The following KIF6 variants were observed in gnomAD, a reference collection of about 807,000 sequenced individuals.
KIF6 encodes the protein kinesin family member 6.
In KIF6, 106 loss-of-function variants were observed where a neutral mutation model predicts 112.7. The ratio of observed to expected loss-of-function variants is 0.94; its 90% CI spans 0.80 to 1.11. The LOEUF (loss-of-function observed/expected upper bound fraction) is 1.11, where lower values mean the gene tolerates loss of function less well. Ranked by LOEUF, KIF6 falls within the 50% of genes least tolerant of loss-of-function variation. The pLI, the probability that KIF6 is intolerant of heterozygous loss-of-function variation, is 0.00. For synonymous variants in KIF6, 339 were observed against 339.9 expected, an observed-to-expected ratio of 1.00 and a Z score of 0.03; for missense variants, 929 against 964.0, an observed-to-expected ratio of 0.96 and a Z score of 0.48.
At chr6:39,382,477 T>A (rs1392026768) in intron 16 of KIF6, among the ~76,000 whole-genome samples, 1 of 152,204 alleles carries the variant, frequency 6.6e-6, no homozygotes, top group African/African-American at 2.4e-5. Context: ...GCTGTATTCA[T>A]GTTGCCGCAA....
intron 6 of KIF6, among the ~76,000 whole-genome samples, chr6:39,600,015 A>G (rs777372354): frequency 2.2e-4 from 34 of 152,292 alleles, no homozygotes; most frequent in Non-Finnish European, 4.3e-4. Flanking sequence ...GTCCTCTTAG[A>G]TAAAAATTTC....
intron 19 of KIF6, among the ~76,000 whole-genome samples, chr6:39,347,478 C>G (rs67644810): frequency 0.054 from 8,174 of 152,276 alleles, 337 homozygotes; most frequent in African/African-American, 0.11. Flanking sequence ...GGTGAAGAGG[C>G]GCGTGGACAC....
At chr6:39,614,917 T>C (rs749002717) in intron 5 of KIF6, among the ~76,000 whole-genome samples, 15 of 152,190 alleles carry the variant, frequency 9.9e-5, no homozygotes, top group Non-Finnish European at 1.6e-4. Context: ...GAAGTAATGA[T>C]TCTTCCTAAA....
chr6:39,420,881 T>C (rs1281001453), intron 14 of KIF6, among the ~76,000 whole-genome samples: 1 of 152,180 alleles, frequency 6.6e-6, no homozygotes, highest in Non-Finnish European at 1.5e-5. Context: ...GCTAGTCTAC[T>C]AGATTGCTGT....
At chr6:39,563,770 G>A (rs923463899) in intron 10 of KIF6, among the ~76,000 whole-genome samples, 4 of 152,172 alleles carry the variant, frequency 2.6e-5, no homozygotes, top group African/African-American at 9.7e-5. Context: ...CCAGGCCTCA[G>A]GAACAGGCTT....
intron 15 of KIF6, among the ~76,000 whole-genome samples, chr6:39,397,262 T>C (rs1344851140): frequency 6.6e-6 from 1 of 152,236 alleles, no homozygotes. Context: ...ATTTCTGTAA[T>C]TGGAAGTAAA....
chr6:39,587,579 T>C (rs2150665773), intron 7 of KIF6, among the ~76,000 whole-genome samples: 1 of 152,248 alleles, frequency 6.6e-6, no homozygotes, highest in East Asian at 1.9e-4. Flanking sequence ...TCCTTTTTCT[T>C]CAAACCTTTG....
At chr6:39,582,569 G>T (rs1318506686) in intron 9 of KIF6, among the ~76,000 whole-genome samples, 2 of 151,926 alleles carry the variant, frequency 1.3e-5, no homozygotes, top group African/African-American at 4.8e-5. Context: ...GTACCTCCAC[G>T]CCCGGCTAAT....
chr6:39,586,715 A>G (rs191417454), intron 7 of KIF6, among the ~76,000 whole-genome samples: 74 of 152,358 alleles, frequency 4.9e-4, no homozygotes, highest in African/African-American at 1.7e-3. Flanking sequence ...GTATGAAAAC[A>G]CAAGAGTAAA....
chr6:39,416,597 AAG>A (rs780663932), intron 15 of KIF6, among the ~76,000 whole-genome samples: 3 of 152,258 alleles, frequency 2.0e-5, no homozygotes, highest in Non-Finnish European at 4.4e-5. Context: ...AGTTTGTGGC[AAG>A]AGTTTATCTA....
At chr6:39,446,765 C>T (rs1466120061) in intron 13 of KIF6, among the ~76,000 whole-genome samples, 1 of 152,196 alleles carries the variant, frequency 6.6e-6, no homozygotes, top group Non-Finnish European at 1.5e-5. Flanking sequence ...GCTGGGACTA[C>T]AGGCATGAGC....
At chr6:39,512,915 G>A (rs530024192) in intron 13 of KIF6, among the ~76,000 whole-genome samples, 1 of 152,270 alleles carries the variant, frequency 6.6e-6, no homozygotes, top group South Asian at 2.1e-4. Flanking sequence ...CCATGAGCCA[G>A]GCACGTCTAT....
At chr6:39,641,498 TG>T (rs1273101680) in intron 3 of KIF6, among the ~76,000 whole-genome samples, 3 of 142,702 alleles carry the variant, frequency 2.1e-5, no homozygotes, top group East Asian at 4.2e-4. Context: ...TGTTGTGAGG[TG>T]GGGGGACGGG....
At chr6:39,411,387 A>G (rs770450606) in intron 15 of KIF6, among the ~76,000 whole-genome samples, 3 of 152,186 alleles carry the variant, frequency 2.0e-5, no homozygotes, top group Non-Finnish European at 2.9e-5. Flanking sequence ...ATCACCACAC[A>G]TGTATCCTAA....
At chr6:39,722,043 CA>C (rs1561962618) in intron 1 of KIF6, among the ~76,000 whole-genome samples, 1 of 151,978 alleles carries the variant, frequency 6.6e-6, no homozygotes, top group Non-Finnish European at 1.5e-5. Context: ...AAAGTCATTA[CA>C]TAAAATAAAG....
intron 15 of KIF6, among the ~76,000 whole-genome samples, chr6:39,406,181 C>T (rs1769079981): frequency 6.6e-6 from 1 of 151,964 alleles, no homozygotes; most frequent in African/African-American, 2.4e-5. Flanking sequence ...CTACCATATT[C>T]AGCTAATTTT....
In KIF6 at chr6:39,343,208, AC is replaced by A; in HGVS notation, c.2428+500del. 8.2e-7 allele frequency: 1 copy of A among 1,217,804 alleles called. No individual in the cohort carries two copies. Among genetic ancestry groups the A allele is most frequent in the Non-Finnish European group, 1.0e-6 (1 of 956,268 alleles). 75.4% of individuals were successfully genotyped at this position (1,217,804 alleles called of 1,614,324 possible). On this transcript the variant is annotated intron_variant, in intron 22 of 22. Transcript: ENST00000287152. This position sits in a 1 kb window ranked among gnomAD's most constrained non-coding sequence, Gnocchi z 4.1. ...CCTTCTTCTCTTCCTGTTGTCTGACACGCCACTCTTACTTCCTCTGTGATTG... is the reference window on the plus strand; with the variant it reads ...CCTTCTTCTCTTCCTGTTGTCTGACAGCCACTCTTACTTCCTCTGTGATTG...
At chr6:39,464,619 A>G (rs781504735) in intron 13 of KIF6, among the ~76,000 whole-genome samples, 16 of 152,204 alleles carry the variant, frequency 1.1e-4, no homozygotes, top group South Asian at 6.2e-4. Flanking sequence ...TAGCCAGGCC[A>G]TCGCCTGGCA....
chr6:39,548,494 A>G (rs1779184698), intron 10 of KIF6, among the ~76,000 whole-genome samples: 1 of 152,228 alleles, frequency 6.6e-6, no homozygotes, highest in Admixed American at 6.5e-5. Context: ...TTGACATGCT[A>G]TTTTGCTTTC....
Sources: gnomAD v4.1 joint callset for allele counts (sites outside exome capture counted in the v4.1 genomes callset) on GRCh38, gnomAD v4.1.1 for gene constraint, Gnocchi (gnomAD v3.1) non-coding constraint, MANE v1.5 for transcripts, NCBI Gene and HGNC (gene_info 2026-07-23, HGNC 2026-07-21) for gene names.